The following TACR1 variants were observed in gnomAD, a reference collection of about 807,000 sequenced individuals.
TACR1 encodes substance-P receptor.
A neutral mutation model predicts 35.8 loss-of-function variants in TACR1; 25 were observed. That is an observed-to-expected ratio of 0.70 (90% CI 0.51 to 0.98). TACR1 has a LOEUF of 0.98. Among genes scored for constraint, TACR1 ranks in the 50% least tolerant of loss-of-function variants. The pLI, the probability that TACR1 is intolerant of heterozygous loss-of-function variation, is 0.00. For missense variants in TACR1, 478 were observed against 522.9 expected (o/e 0.91, Z 0.84); for synonymous variants, 195 against 206.7 (o/e 0.94, Z 0.48).
At chr2:75,154,174 C>G (rs1445067138) in intron 1 of TACR1, among the ~76,000 whole-genome samples, 1 of 152,068 alleles carries the variant, frequency 6.6e-6, no homozygotes, top group Non-Finnish European at 1.5e-5. Context: ...CCTCCCGGCT[C>G]CTGGCTCCCT....
chr2:75,122,570 C>T (rs937243529), intron 1 of TACR1, among the ~76,000 whole-genome samples: 1 of 152,104 alleles, frequency 6.6e-6, no homozygotes, highest in Admixed American at 6.5e-5. Context: ...ACTCTTTCTT[C>T]TGCCTCTTTT....
At chr2:75,152,862 T>G (rs754210798) in intron 1 of TACR1, among the ~76,000 whole-genome samples, 4 of 152,184 alleles carry the variant, frequency 2.6e-5, no homozygotes, top group Non-Finnish European at 5.9e-5. Context: ...TCAAAGGCTA[T>G]TAATTCCAAA....
intron 1 of TACR1, among the ~76,000 whole-genome samples, chr2:75,165,873 C>T (rs1205614880): frequency 1.3e-5 from 2 of 152,136 alleles, no homozygotes; most frequent in East Asian, 1.9e-4. Context: ...TCTGTCCCTC[C>T]GTTGTATAGC....
chr2:75,134,520 AC>A (rs1674241989), intron 1 of TACR1, among the ~76,000 whole-genome samples: 1 of 152,050 alleles, frequency 6.6e-6, no homozygotes, highest in Non-Finnish European at 1.5e-5. Context: ...GAGGACATTT[AC>A]GCCTGGGCAG....
At chr2:75,085,007 T>C (rs548598526) in intron 2 of TACR1, among the ~76,000 whole-genome samples, 13 of 152,304 alleles carry the variant, frequency 8.5e-5, no homozygotes, top group African/African-American at 2.6e-4. Context: ...CTAGTTCTTT[T>C]AATTGTGATG....
intron 1 of TACR1, among the ~76,000 whole-genome samples, chr2:75,157,877 G>A (rs1278679099): frequency 6.6e-6 from 1 of 152,198 alleles, no homozygotes; most frequent in East Asian, 1.9e-4. Flanking sequence ...ACAATTTGCA[G>A]TGTTTCTACC....
At chr2:75,106,997 T>C (rs1300939701) in intron 2 of TACR1, among the ~76,000 whole-genome samples, 5 of 151,828 alleles carry the variant, frequency 3.3e-5, no homozygotes, top group Non-Finnish European at 7.4e-5. Context: ...CAAAATATAC[T>C]GTATGTAAGA....
intron 1 of TACR1, among the ~76,000 whole-genome samples, chr2:75,192,763 C>A (rs572570818): frequency 6.6e-6 from 1 of 152,114 alleles, no homozygotes; most frequent in Admixed American, 6.5e-5. Flanking sequence ...TGTTTCTAAT[C>A]GCTCTTCCAG....
intron 1 of TACR1, among the ~76,000 whole-genome samples, chr2:75,153,553 A>AGGTCT (rs1674722231): frequency 1.3e-5 from 2 of 152,248 alleles, no homozygotes; most frequent in Non-Finnish European, 2.9e-5. Context: ...TGTCTCTTCC[A>AGGTCT]GATCTGATGA....
Position 75,053,589 on chromosome 2 carries a change from C to A in TACR1, c.735+16G>T. 3 of 1,511,990 alleles carry A rather than the reference C, an allele frequency of 2.0e-6. No individual in the cohort carries two copies. The highest frequency in any genetic ancestry group is 2.7e-6 in the Non-Finnish European group (3 of 1,130,724). The allele number at this position is 1,511,990 out of a possible 1,614,324, so 93.7% of individuals were successfully genotyped here. A position where few individuals can be genotyped will look rare whatever the true frequency, so the allele number is the denominator to read the frequency against. On this transcript the variant is annotated intron_variant, in intron 3 of 4. Coordinates refer to ENST00000305249, the MANE Select transcript of TACR1 (RefSeq NM_001058.4). ...TCTGTGCCAGGGTGGGTTAGTTCTG[C>A]CTGTCCCCTGCTCACCTTGCGCTTG...
chr2:75,186,490 C>A (rs1462277736), intron 1 of TACR1, among the ~76,000 whole-genome samples: 1 of 150,662 alleles, frequency 6.6e-6, no homozygotes, highest in Non-Finnish European at 1.5e-5. Context: ...TTTCTTCAAA[C>A]TATTTTTTTG....
At chr2:75,173,526 C>T (rs182395881) in intron 1 of TACR1, among the ~76,000 whole-genome samples, 8 of 152,092 alleles carry the variant, frequency 5.3e-5, no homozygotes, top group Non-Finnish European at 7.4e-5. Context: ...TTTTGGTCTA[C>T]TTGACAAATA....
At chr2:75,182,411 A>C (rs1381347860) in intron 1 of TACR1, among the ~76,000 whole-genome samples, 1 of 151,898 alleles carries the variant, frequency 6.6e-6, no homozygotes, top group East Asian at 1.9e-4. Flanking sequence ...CCCACCCCTG[A>C]CACTCTCACC....
Position 75,116,428 on chromosome 2 carries a change from C to T in TACR1, c.584+4146G>A, listed in dbSNP as rs986776808. ...CACAATTTTTTTTGTTTGTTTTATC[C>T]GTTCTACTGATGATGGATATTTGAA... On this transcript the variant is annotated intron_variant, in intron 2 of 4. Transcript: ENST00000305249. Among the ~76,000 whole-genome samples the T allele has an allele frequency of 3.9e-5, 6 of 151,982 alleles. No homozygotes were observed. The East Asian group carries it at 7.7e-4, about 20-fold the overall frequency.
chr2:75,049,635 A>G lies in TACR1; in HGVS notation c.1021T>C (p.Tyr341His), dbSNP rs1672429168. 1 of 1,614,120 alleles carries G rather than the reference A, an allele frequency of 6.2e-7. No homozygotes were observed. The highest frequency in any genetic ancestry group is 1.3e-5 in the African/African-American group (1 of 75,040). Residue 341 changes from tyrosine to histidine, a missense_variant, in exon 5 of 5, where the codon TAT becomes CAT. Tyr to His is a moderately conservative substitution (Grantham distance 83). Coordinates refer to ENST00000305249, the MANE Select transcript of TACR1 (RefSeq NM_001058.4). ...YEGLEMKSTR[Y>H]LQTQGSVYKV... Reference sequence around the variant, plus strand: ...TACACACTGCCCTGGGTCTGGAGATACCGGGTGGATTTCATTTCCAGCCCC... The same window carrying G: ...TACACACTGCCCTGGGTCTGGAGATGCCGGGTGGATTTCATTTCCAGCCCC...
At chr2:75,188,382 G>A (rs1450758064) in intron 1 of TACR1, 1 of 152,174 alleles carries the variant, frequency 6.6e-6, no homozygotes, top group African/African-American at 2.4e-5. Flanking sequence ...GTGCACATGA[G>A]GTTTTTAAAA....
chr2:75,111,950 A>G (rs1048148768), intron 2 of TACR1, among the ~76,000 whole-genome samples: 7 of 152,002 alleles, frequency 4.6e-5, no homozygotes, highest in African/African-American at 1.7e-4. Flanking sequence ...TTTTAAAAAA[A>G]ATTTAAAAAG....
intron 2 of TACR1, among the ~76,000 whole-genome samples, chr2:75,083,518 G>A (rs2103837559): frequency 6.6e-6 from 1 of 152,298 alleles, no homozygotes; most frequent in African/African-American, 2.4e-5. Context: ...ACCTTGGGCA[G>A]TATGGCCATT....
At chr2:75,082,562 TTCTCCACATCC>T (rs1673110938) in intron 2 of TACR1, among the ~76,000 whole-genome samples, 1 of 152,210 alleles carries the variant, frequency 6.6e-6, no homozygotes, top group South Asian at 2.1e-4. Context: ...GTGTTCCTAT[TTCTCCACATCC>T]TCTCCAGCAC....
Sources: gnomAD v4.1 joint callset for allele counts (sites outside exome capture counted in the v4.1 genomes callset) on GRCh38, gnomAD v4.1.1 for gene constraint, MANE v1.5 for transcripts, NCBI Gene and HGNC (gene_info 2026-07-23, HGNC 2026-07-21) for gene names.